CERS3: variants seen among roughly 807,000 people sequenced by gnomAD.
CERS3 encodes ceramide synthase 3.
CERS3 carries 33 observed loss-of-function variants against 50.3 expected under a neutral mutation model. The observed-to-expected ratio is 0.66, with a 90% CI of 0.50 to 0.88. CERS3 has a LOEUF of 0.88. Among genes scored for constraint, CERS3 ranks in the 40% least tolerant of loss-of-function variants. The pLI is 0.00. For missense variants in CERS3, 470 were observed against 460.3 expected (o/e 1.02, Z -0.19); for synonymous variants, 176 against 155.2 (o/e 1.13, Z -0.99).
chr15:100,447,143 T>A (rs1012678174), intron 11 of CERS3, among the ~76,000 whole-genome samples: 2 of 152,232 alleles, frequency 1.3e-5, no homozygotes, highest in African/African-American at 4.8e-5. Context: ...AGAGAATGAA[T>A]TAACAGTCTG....
chr15:100,523,717 A>G (rs1006291706), intron 1 of CERS3, among the ~76,000 whole-genome samples: 60 of 151,982 alleles, frequency 3.9e-4, no homozygotes, highest in African/African-American at 1.1e-3. Context: ...AAAAAAAAAA[A>G]AAAGAAATCA....
chr15:100,521,805 G>A (rs1030425485), intron 1 of CERS3, 49 bp from the exon 2 acceptor site: 1 of 152,082 alleles, frequency 6.6e-6, no homozygotes, highest in Non-Finnish European at 1.5e-5. Context: ...ACACAACTGT[G>A]CCCATAAGCG....
intron 1 of CERS3, among the ~76,000 whole-genome samples, chr15:100,540,365 A>G (rs1035908782): frequency 7.9e-5 from 12 of 152,184 alleles, no homozygotes; most frequent in African/African-American, 2.9e-4. Context: ...CAACATGGCA[A>G]AACCCTGTCT....
intron 11 of CERS3, among the ~76,000 whole-genome samples, chr15:100,432,665 A>G (rs542885414): frequency 6.6e-6 from 1 of 152,332 alleles, no homozygotes; most frequent in South Asian, 2.1e-4. Flanking sequence ...ATAAAATAGA[A>G]CAAGAGAGTG....
chr15:100,497,892 CACACT>C (rs1381231658), intron 3 of CERS3, among the ~76,000 whole-genome samples: 3 of 28,126 alleles, frequency 1.1e-4, no homozygotes, highest in Non-Finnish European at 1.6e-4. Flanking sequence ...CACACACACA[CACACT>C]TTTTTTTTTT....
At chr15:100,456,884 T>A (rs1358774332) in intron 10 of CERS3, among the ~76,000 whole-genome samples, 1 of 151,028 alleles carries the variant, frequency 6.6e-6, no homozygotes, top group Non-Finnish European at 1.5e-5. Flanking sequence ...GAGGTGGAGG[T>A]TGCAGTGAGC....
chr15:100,418,160 G>C (rs2032111903), intron 11 of CERS3, among the ~76,000 whole-genome samples: 1 of 151,850 alleles, frequency 6.6e-6, no homozygotes, highest in South Asian at 2.1e-4. Context: ...TCAAACCAAA[G>C]GCAAAGAAGT....
At chr15:100,492,956 G>A (rs1396676383) in intron 3 of CERS3, among the ~76,000 whole-genome samples, 1 of 152,002 alleles carries the variant, frequency 6.6e-6, no homozygotes, top group Non-Finnish European at 1.5e-5. Context: ...TTTCAATAGG[G>A]TTAAAAAACT....
chr15:100,467,487 A>G (rs1235614166), intron 10 of CERS3, among the ~76,000 whole-genome samples: 1 of 152,102 alleles, frequency 6.6e-6, no homozygotes, highest in East Asian at 1.9e-4. Context: ...CTTGCAAAAA[A>G]GATCATAGGT....
At chr15:100,513,427 C>T (rs776772382) in intron 2 of CERS3, among the ~76,000 whole-genome samples, 1 of 152,164 alleles carries the variant, frequency 6.6e-6, no homozygotes, top group African/African-American at 2.4e-5. Context: ...TGGACCCCTG[C>T]CTACTTTTCC....
intron 7 of CERS3, among the ~76,000 whole-genome samples, chr15:100,477,381 G>A (rs2587761): frequency 0.97 from 148,217 of 152,284 alleles, 72,215 homozygotes; most frequent in Non-Finnish European, 1. Flanking sequence ...CCATAAAAGA[G>A]TGAGACAGAG....
chr15:100,412,067 T>G (rs190026507), intron 11 of CERS3, among the ~76,000 whole-genome samples: 29 of 152,336 alleles, frequency 1.9e-4, no homozygotes, highest in African/African-American at 7.0e-4. Flanking sequence ...GTGGGTTACC[T>G]TTAACTCTGT....
intron 11 of CERS3, among the ~76,000 whole-genome samples, chr15:100,427,659 A>T (rs1232798564): frequency 6.6e-6 from 1 of 152,210 alleles, no homozygotes; most frequent in African/African-American, 2.4e-5. Flanking sequence ...CTCGGGTACG[A>T]TGAAGTGATG....
chr15:100,446,379 TTTC>T (rs761200834), intron 11 of CERS3, among the ~76,000 whole-genome samples: 20,493 of 141,298 alleles, frequency 0.15, 1,593 homozygotes, highest in Admixed American at 0.18. Context: ...TTTTTTTTTT[TTTC>T]TTTAGATTAA....
intron 11 of CERS3, among the ~76,000 whole-genome samples, chr15:100,425,383 T>C (rs2032748234): frequency 6.6e-6 from 1 of 152,250 alleles, no homozygotes; most frequent in African/African-American, 2.4e-5. Context: ...GGGCCAGAGC[T>C]GCCCAGGGCC....
intron 2 of CERS3, among the ~76,000 whole-genome samples, chr15:100,513,206 C>A (rs1478047459): frequency 1.3e-5 from 2 of 152,148 alleles, no homozygotes; most frequent in Non-Finnish European, 2.9e-5. Flanking sequence ...CCTTCCTAAC[C>A]TAAATCTTGA....
In CERS3 at chr15:100,413,514, A is replaced by C. The variant is rs1324695043; in HGVS notation, c.1000-10649T>G. The stretch of plus-strand genomic sequence containing the variant: ...AAAAAAGTCAACACAACTGACGACT[A>C]TACTATACTATACTATACTATACTA... On this transcript the variant is annotated intron_variant, in intron 11 of 11. Coordinates refer to ENST00000679737, the MANE Select transcript of CERS3 (RefSeq NM_001378789.1). 1.1e-4 allele frequency among the ~76,000 whole-genome samples: 2 copies of C among 17,932 alleles called. 1 individual carries two copies. The highest frequency in any genetic ancestry group is 3.0e-4 in the Non-Finnish European group (2 of 6,574). 11.8% of individuals were successfully genotyped at this position (17,932 alleles called of 152,430 possible). A position where few individuals can be genotyped will look rare whatever the true frequency, so the allele number is the denominator to read the frequency against.
intron 11 of CERS3, among the ~76,000 whole-genome samples, chr15:100,416,654 G>C (rs111749919): frequency 9.2e-5 from 14 of 152,274 alleles, no homozygotes; most frequent in African/African-American, 3.4e-4. Context: ...AGGAGGAAGA[G>C]CCCCTTATAA....
At chr15:100,508,979 C>T (rs1491000153) in intron 2 of CERS3, among the ~76,000 whole-genome samples, 2 of 152,052 alleles carry the variant, frequency 1.3e-5, no homozygotes, top group African/African-American at 2.4e-5. Flanking sequence ...AAAATGCCTG[C>T]GTTTATTTCT....
Sources: gnomAD v4.1 joint callset for allele counts (sites outside exome capture counted in the v4.1 genomes callset) on GRCh38, gnomAD v4.1.1 for gene constraint, MANE v1.5 for transcripts, NCBI Gene and HGNC (gene_info 2026-07-23, HGNC 2026-07-21) for gene names.